The following GALM variants were observed in gnomAD, a reference collection of about 807,000 sequenced individuals.
GALM encodes galactose mutarotase.
A neutral mutation model predicts 37.4 loss-of-function variants in GALM; 43 were observed. That is an observed-to-expected ratio of 1.15 (90% CI 0.90 to 1.48). The LOEUF is 1.48. Among genes scored for constraint, GALM ranks in the 40% most tolerant of loss-of-function variants. The pLI is 0.00. For missense variants in GALM, 456 were observed against 419.1 expected, an observed-to-expected ratio of 1.09 and a Z score of -0.77; for synonymous variants, 199 against 170.6, an observed-to-expected ratio of 1.17 and a Z score of -1.30.
chr2:38,681,880 A>T (rs1158072365), intron 3 of GALM, among the ~76,000 whole-genome samples: 1 of 152,136 alleles, frequency 6.6e-6, no homozygotes, highest in Non-Finnish European at 1.5e-5. Flanking sequence ...GCTCCTTTAG[A>T]TATGCTGCCA....
At chr2:38,692,237 A>G (rs1665696097) in intron 4 of GALM, among the ~76,000 whole-genome samples, 2 of 152,130 alleles carry the variant, frequency 1.3e-5, no homozygotes, top group African/African-American at 4.8e-5. Flanking sequence ...AAATTGTAGT[A>G]TTGTTTTCTC....
Position 38,689,872 on chromosome 2 carries a change from G to T in GALM, c.612G>T (p.Val204=), listed in dbSNP as rs758676958. Residue 204 remains valine, a synonymous_variant, in exon 4 of 7, where the codon GTG becomes GTT. Coordinates refer to ENST00000272252, the MANE Select transcript of GALM (RefSeq NM_138801.3). The part of the protein sequence containing the change: ...VTIEADTYLP[V]DETLIPTGEV... Reference sequence around the variant, plus strand: ...TAGAAGCGGATACTTATTTGCCTGTGGATGAAACCCTGATTCCTACAGGTT... The same window carrying T: ...TAGAAGCGGATACTTATTTGCCTGTTGATGAAACCCTGATTCCTACAGGTT... The T allele has an allele frequency of 5.0e-6, 8 of 1,609,118 alleles. No homozygotes were observed. In the East Asian group the frequency reaches 1.8e-4, roughly 36 times the overall value.
chr2:38,731,081 G>C (rs892742545), intron 5 of GALM, among the ~76,000 whole-genome samples: 3 of 151,946 alleles, frequency 2.0e-5, no homozygotes, highest in African/African-American at 7.3e-5. Context: ...CAAAAAATTA[G>C]CCGGATGTGG....
chr2:38,727,268 C>G (rs1274514918), intron 4 of GALM, among the ~76,000 whole-genome samples: 1 of 151,384 alleles, frequency 6.6e-6, no homozygotes, highest in African/African-American at 2.4e-5. Context: ...TTCCCAGATT[C>G]TCTCGGTTAA....
rs1309500729 is a variant in GALM at position 38,715,846 on chromosome 2, T to C, written c.635-13710T>C. ...ACTTGCTGAGTAGGGTGCTGGGCAC[T>C]TTACATGCCTTATTTCATTTAGTGT... On this transcript the variant is annotated intron_variant, in intron 4 of 6. Coordinates refer to ENST00000272252, the MANE Select transcript of GALM (RefSeq NM_138801.3). 2.6e-5 allele frequency among the ~76,000 whole-genome samples: 4 copies of C among 152,224 alleles called. No homozygotes were observed. In the East Asian group the frequency reaches 7.7e-4, roughly 29 times the overall value.
intron 1 of GALM, among the ~76,000 whole-genome samples, chr2:38,671,928 A>G (rs1277366385): frequency 1.3e-5 from 2 of 152,046 alleles, no homozygotes; most frequent in Non-Finnish European, 2.9e-5. Context: ...CAAGGCTGCA[A>G]TGAGCCGTGA....
intron 4 of GALM, among the ~76,000 whole-genome samples, chr2:38,700,293 G>A (rs1306223743): frequency 6.6e-6 from 1 of 152,188 alleles, no homozygotes; most frequent in South Asian, 2.1e-4. Context: ...TTGATTTTCT[G>A]TCTAGATGAT....
intron 4 of GALM, among the ~76,000 whole-genome samples, chr2:38,727,525 G>A (rs1038221056): frequency 2.6e-5 from 4 of 151,598 alleles, no homozygotes; most frequent in Admixed American, 6.6e-5. Context: ...TCAGGAGTTC[G>A]AGACCACTCT....
chr2:38,699,865 A>G (rs6760965), intron 4 of GALM, among the ~76,000 whole-genome samples: 147,132 of 152,306 alleles, frequency 0.97, 71,086 homozygotes, highest in East Asian at 1. Flanking sequence ...CTATTCTGGA[A>G]AATGTTTCTT....
At chr2:38,706,417 G>A (rs1666036529) in intron 4 of GALM, among the ~76,000 whole-genome samples, 1 of 147,348 alleles carries the variant, frequency 6.8e-6, no homozygotes, top group African/African-American at 2.5e-5. Flanking sequence ...GCTCACACCT[G>A]TAATCCCAGC....
intron 1 of GALM, among the ~76,000 whole-genome samples, chr2:38,666,759 TA>T (rs1171149341): frequency 6.6e-6 from 1 of 152,222 alleles, no homozygotes; most frequent in Non-Finnish European, 1.5e-5. Flanking sequence ...GAAATTCAAA[TA>T]CTTGCCTCTT....
chr2:38,675,129 G>A (rs1665212589), intron 1 of GALM, among the ~76,000 whole-genome samples: 1 of 151,940 alleles, frequency 6.6e-6, no homozygotes, highest in African/African-American at 2.4e-5. Context: ...TAGCCGAGAT[G>A]GGGCCACTGC....
At chr2:38,700,043 C>T (rs1665884273) in intron 4 of GALM, among the ~76,000 whole-genome samples, 1 of 152,108 alleles carries the variant, frequency 6.6e-6, no homozygotes, top group Non-Finnish European at 1.5e-5. Context: ...CCTCCACTTC[C>T]CAGGTTCAAG....
At chr2:38,703,262 C>A (rs946715570) in intron 4 of GALM, among the ~76,000 whole-genome samples, 3 of 149,620 alleles carry the variant, frequency 2.0e-5, no homozygotes, top group Non-Finnish European at 4.4e-5. Context: ...TATGCACCAC[C>A]ATGCCTGGCT....
At chr2:38,732,473 C>T (rs1666627845) in intron 6 of GALM, among the ~76,000 whole-genome samples, 1 of 152,208 alleles carries the variant, frequency 6.6e-6, no homozygotes. Context: ...AAGCCTTTAT[C>T]CAGTTTGTTT....
intron 4 of GALM, 103 bp from the exon 5 acceptor site, chr2:38,729,453 A>C: frequency 1.0e-6 from 1 of 964,564 alleles, no homozygotes; most frequent in Non-Finnish European, 1.5e-6. Flanking sequence ...TAACAAATTA[A>C]AATGAAGGCG....
At chr2:38,696,234 C>T (rs935243206) in intron 4 of GALM, among the ~76,000 whole-genome samples, 1 of 151,970 alleles carries the variant, frequency 6.6e-6, no homozygotes, top group African/African-American at 2.4e-5. Flanking sequence ...ATTCTCCTGC[C>T]TTGGCCTCCC....
intron 4 of GALM, among the ~76,000 whole-genome samples, chr2:38,710,857 G>A (rs1204327369): frequency 2.0e-5 from 3 of 151,032 alleles, no homozygotes; most frequent in South Asian, 2.1e-4. Flanking sequence ...GGGTTCAAGC[G>A]ATTCTCCTGC....
At chr2:38,676,482 G>A (rs1198384280) in intron 2 of GALM, among the ~76,000 whole-genome samples, 1 of 152,214 alleles carries the variant, frequency 6.6e-6, no homozygotes, top group Admixed American at 6.5e-5. Flanking sequence ...AGGCCACATG[G>A]CCAGGCACAG....
Sources: gnomAD v4.1 joint callset for allele counts (sites outside exome capture counted in the v4.1 genomes callset) on GRCh38, gnomAD v4.1.1 for gene constraint, MANE v1.5 for transcripts, NCBI Gene and HGNC (gene_info 2026-07-23, HGNC 2026-07-21) for gene names.